The following IGF2BP3 variants were observed in gnomAD, a reference collection of about 807,000 sequenced individuals.
IGF2BP3 encodes insulin like growth factor 2 mRNA binding protein 3, also known as insulin-like growth factor 2 mRNA-binding protein 3.
IGF2BP3 carries 9 observed loss-of-function variants against 73.8 expected under a neutral mutation model. The observed-to-expected ratio is 0.12, with a 90% CI of 0.07 to 0.21. IGF2BP3 has a LOEUF of 0.21. IGF2BP3 is among the 10% of genes least tolerant of loss of function. The pLI, the probability that IGF2BP3 is intolerant of heterozygous loss-of-function variation, is 1.00. For synonymous variants in IGF2BP3, 258 were observed against 256.7 expected, an observed-to-expected ratio of 1.01 and a Z score of -0.05; for missense variants, 542 against 714.0, an observed-to-expected ratio of 0.76 and a Z score of 2.75.
rs1788623058 is a variant in IGF2BP3, at chr7:23,468,496, G to A, written c.222C>T (p.Val74=). 6.2e-7 allele frequency: 1 copy of A among 1,614,106 alleles called. No individual in the cohort carries two copies. Among genetic ancestry groups the A allele is most frequent in the African/African-American group, 1.3e-5 (1 of 74,946 alleles). ...CAGCAGCTCACCTTTGCCTTTTTGG[G>A]ACCGAGTGCTCAACTTCTATGGGTT... The part of the protein sequence containing the change: ...HGKPIEVEHS[V]PKRQRIRKLQ... The change falls in exon 2 of 15, where the codon GTC becomes GTT. Residue 74 remains valine (V), a synonymous_variant. Coordinates refer to ENST00000258729, the MANE Select transcript of IGF2BP3 (RefSeq NM_006547.3).
intron 10 of IGF2BP3, among the ~76,000 whole-genome samples, chr7:23,319,965 C>G (rs1167060723): frequency 6.6e-6 from 1 of 152,052 alleles, no homozygotes; most frequent in Non-Finnish European, 1.5e-5. Flanking sequence ...GACTAGAGTG[C>G]AATGGCACGA....
At chr7:23,417,302 T>A (rs1056190457) in intron 3 of IGF2BP3, among the ~76,000 whole-genome samples, 1 of 152,218 alleles carries the variant, frequency 6.6e-6, no homozygotes, top group African/African-American at 2.4e-5. Context: ...TATGTGCTCT[T>A]GCTTAATTAA....
intron 2 of IGF2BP3, among the ~76,000 whole-genome samples, chr7:23,462,043 A>G (rs1033409350): frequency 1.3e-5 from 2 of 152,204 alleles, no homozygotes; most frequent in African/African-American, 2.4e-5. Context: ...ACAATAAGGT[A>G]TCATTTGGAG....
At chr7:23,319,486 A>C (rs1446802031) in intron 10 of IGF2BP3, among the ~76,000 whole-genome samples, 5 of 152,164 alleles carry the variant, frequency 3.3e-5, no homozygotes, top group Non-Finnish European at 5.9e-5. Flanking sequence ...GTTGCCTTAA[A>C]CTTTAAAATG....
chr7:23,377,360 A>T (rs1028334695), intron 3 of IGF2BP3, among the ~76,000 whole-genome samples: 2 of 152,224 alleles, frequency 1.3e-5, no homozygotes, highest in Admixed American at 6.5e-5. Context: ...GATGACTAAT[A>T]AGCACATGAA....
At chr7:23,333,773 G>C (rs770042251) in intron 10 of IGF2BP3, among the ~76,000 whole-genome samples, 15 of 152,246 alleles carry the variant, frequency 9.9e-5, no homozygotes, top group Non-Finnish European at 2.2e-4. Context: ...TGCTGCCCTA[G>C]AATGACAGAC....
At chr7:23,323,181 C>T (rs998826009) in intron 10 of IGF2BP3, among the ~76,000 whole-genome samples, 18 of 152,020 alleles carry the variant, frequency 1.2e-4, no homozygotes, top group African/African-American at 4.1e-4. Flanking sequence ...AAACCCATCA[C>T]GTGCAGACAC....
chr7:23,423,757 A>G (rs1304330006), intron 2 of IGF2BP3, among the ~76,000 whole-genome samples: 3 of 152,016 alleles, frequency 2.0e-5, no homozygotes, highest in Non-Finnish European at 4.4e-5. Context: ...CAACTGCCAC[A>G]CATTTTTGAG....
intron 5 of IGF2BP3, among the ~76,000 whole-genome samples, chr7:23,359,169 A>G (rs1318879148): frequency 1.3e-5 from 2 of 152,256 alleles, no homozygotes; most frequent in Non-Finnish European, 1.5e-5. Context: ...GTGTGTCTAC[A>G]TTCAGTTTGC....
At chr7:23,335,073 TA>T (rs5882898) in intron 10 of IGF2BP3, among the ~76,000 whole-genome samples, 11,800 of 69,316 alleles carry the variant, frequency 0.17, 641 homozygotes, top group Non-Finnish European at 0.2. Context: ...TCTTTAACAT[TA>T]AAAAAAAAAA....
At chr7:23,425,347 T>G (rs1787478272) in intron 2 of IGF2BP3, among the ~76,000 whole-genome samples, 1 of 152,190 alleles carries the variant, frequency 6.6e-6, no homozygotes. Flanking sequence ...TTGTATCATT[T>G]TAATAATTGT....
intron 3 of IGF2BP3, among the ~76,000 whole-genome samples, chr7:23,387,063 CAA>C (rs554283709): frequency 2.4e-4 from 22 of 90,804 alleles, no homozygotes; most frequent in Admixed American, 3.7e-4. Context: ...AAGACTCTGT[CAA>C]AAAAAAAAAA....
intron 3 of IGF2BP3, among the ~76,000 whole-genome samples, chr7:23,385,312 A>T (rs1009274230): frequency 1.3e-5 from 2 of 152,128 alleles, no homozygotes; most frequent in African/African-American, 2.4e-5. Context: ...AGGGAGGGAG[A>T]AAGAAAGTGA....
At chr7:23,390,406 A>G (rs1328226948) in intron 3 of IGF2BP3, among the ~76,000 whole-genome samples, 2 of 152,242 alleles carry the variant, frequency 1.3e-5, no homozygotes, top group Non-Finnish European at 2.9e-5. Flanking sequence ...AAGCCAAAAT[A>G]CCAACTAAAC....
At chr7:23,460,247 A>G (rs192436614) in intron 2 of IGF2BP3, among the ~76,000 whole-genome samples, 66 of 148,616 alleles carry the variant, frequency 4.4e-4, no homozygotes, top group South Asian at 8.6e-4. Context: ...AAAGTGCAAG[A>G]GTAGATCAAC....
chr7:23,344,380 T>C (rs1169570888), intron 8 of IGF2BP3, among the ~76,000 whole-genome samples: 1 of 152,232 alleles, frequency 6.6e-6, no homozygotes, highest in Admixed American at 6.5e-5. Flanking sequence ...GTGTCTAAAC[T>C]TAGTTTTTAC....
At chr7:23,358,885 G>C (rs1785158643) in intron 5 of IGF2BP3, among the ~76,000 whole-genome samples, 1 of 152,086 alleles carries the variant, frequency 6.6e-6, no homozygotes, top group Admixed American at 6.6e-5. Flanking sequence ...ACTCTTATAA[G>C]GCCGCTTGAC....
chr7:23,335,756 T>C (rs1317354813), intron 10 of IGF2BP3, among the ~76,000 whole-genome samples: 1 of 152,210 alleles, frequency 6.6e-6, no homozygotes, highest in Admixed American at 6.5e-5. Flanking sequence ...CCAATCCAAC[T>C]GTATGCTGCC....
intron 2 of IGF2BP3, among the ~76,000 whole-genome samples, chr7:23,442,753 T>C (rs1026157242): frequency 2.0e-5 from 3 of 152,190 alleles, no homozygotes; most frequent in Admixed American, 6.6e-5. Flanking sequence ...AGACTTTGCA[T>C]ATACCAATCT....
Sources: allele counts gnomAD v4.1 joint callset (sites outside exome capture counted in the v4.1 genomes callset), GRCh38; gene constraint gnomAD v4.1.1; transcripts MANE v1.5; gene names NCBI Gene and HGNC (gene_info 2026-07-23, HGNC 2026-07-21).